The following TAS1R3 variants were observed in gnomAD, a reference collection of about 807,000 sequenced individuals.
TAS1R3 encodes taste receptor type 1 member 3.
In TAS1R3, 58 loss-of-function variants were observed where a neutral mutation model predicts 46.1. That is an observed-to-expected ratio of 1.26 (90% CI 1.02 to 1.57). The LOEUF (loss-of-function observed/expected upper bound fraction) is 1.57. Ranked by LOEUF, TAS1R3 falls within the 40% of genes most tolerant of loss-of-function variation. TAS1R3 has a pLI of 0.00. For synonymous variants in TAS1R3, 724 were observed against 544.7 expected (o/e 1.33, Z -4.58); for missense variants, 1,422 against 1,185.8 (o/e 1.20, Z -2.93).
Position 1,334,200 on chromosome 1 carries a change from C to T in TAS1R3, c.2295C>T (p.Thr765=), listed in dbSNP as rs748967541. 2 of 1,605,136 alleles carry T rather than the reference C, an allele frequency of 1.2e-6. No individual in the cohort carries two copies. Among genetic ancestry groups the T allele is most frequent in the Non-Finnish European group, 1.7e-6 (2 of 1,176,332 alleles). Residue 765 remains threonine, a synonymous_variant, in exon 6 of 6, where the codon ACC becomes ACT. Transcript: ENST00000339381. ...GCTACAACCGTGCCCGTGGCCTCAC[C>T]TTTGCCATGCTGGCCTACTTCATCA... The part of the protein sequence containing the change: ...PGCYNRARGL[T]FAMLAYFITW...
At position 1,331,670 on chromosome 1, in the gene TAS1R3, C is replaced by T. The variant is rs1368892102; in HGVS notation, c.224C>T (p.Ala75Val). ...FSSNGLLWALAMKMAVEEINN... is the reference protein window; with the variant it reads ...FSSNGLLWALVMKMAVEEINN... Reference sequence around the variant, plus strand: ...TCAAACGGCCTGCTCTGGGCACTGGCCATGAAAATGGCCGTGGAGGAGATC... The same window carrying T: ...TCAAACGGCCTGCTCTGGGCACTGGTCATGAAAATGGCCGTGGAGGAGATC... Residue 75 changes from alanine (A) to valine (V), a missense_variant, in exon 2 of 6, where the codon GCC becomes GTC. Ala to Val is a moderately conservative substitution (Grantham distance 64, BLOSUM62 0). Transcript: ENST00000339381. 6.2e-7 allele frequency: 1 copy of T among 1,612,698 alleles called. No individual in the cohort carries two copies. Among genetic ancestry groups the T allele is most frequent in the South Asian group, 1.1e-5 (1 of 91,070 alleles).
rs532037282 is a variant in TAS1R3, at chr1:1,332,686, A to G, written c.1155A>G (p.Leu385=). The G allele has an allele frequency of 3.8e-5, 61 of 1,604,954 alleles. No individual in the cohort carries two copies. The South Asian group carries it at 6.0e-4, about 16-fold the overall frequency. Reference sequence around the variant, plus strand: ...CGCTGCAGAACGTGAGCGCAGGGCTAAATCACCACCAGACGTTCTCTGTCT... The same window carrying G: ...CGCTGCAGAACGTGAGCGCAGGGCTGAATCACCACCAGACGTTCTCTGTCT... The part of the protein sequence containing the change: ...CITLQNVSAG[L]NHHQTFSVYA... Residue 385 remains leucine (L), a synonymous_variant, in exon 3 of 6, where the codon CTA becomes CTG. Transcript: ENST00000339381.
chr1:1,334,612 T>C lies in TAS1R3; in HGVS notation c.*148T>C. 1.1e-6 allele frequency: 1 copy of C among 909,674 alleles called. No individual in the cohort carries two copies. Among genetic ancestry groups the C allele is most frequent in the East Asian group, 2.7e-5 (1 of 37,420 alleles). The allele number at this position is 909,674 out of a possible 1,614,324, so 56.4% of individuals were successfully genotyped here. A position where few individuals can be genotyped will look rare whatever the true frequency, so the allele number is the denominator to read the frequency against. On this transcript the variant is annotated 3_prime_UTR_variant, in exon 6 of 6. Coordinates refer to ENST00000339381, the MANE Select transcript of TAS1R3 (RefSeq NM_152228.3). Reference sequence around the variant, plus strand: ...CTGACCCTGACCCCACAGTGAGCCCTAGGCCTGGAGCACGTGGACACCCCT... The same window carrying C: ...CTGACCCTGACCCCACAGTGAGCCCCAGGCCTGGAGCACGTGGACACCCCT...
chr1:1,334,752 G>T lies in TAS1R3; in HGVS notation c.*288G>T. ...GAAAGAGGCCCGGAGGGCTCCCAGG[G>T]TACCCGCAACCCACACCGTGAGCTC... On this transcript the variant is annotated 3_prime_UTR_variant, in exon 6 of 6. Coordinates refer to ENST00000339381, the MANE Select transcript of TAS1R3 (RefSeq NM_152228.3). 2.8e-6 allele frequency: 1 copy of T among 362,926 alleles called. No individual in the cohort carries two copies. The highest frequency in any genetic ancestry group is 4.5e-5 in the East Asian group (1 of 22,184). 22.5% of individuals were successfully genotyped at this position (362,926 alleles called of 1,614,324 possible).
rs1479643119 is a variant in TAS1R3 at position 1,331,418 on chromosome 1, C to T, written c.73C>T (p.Leu25=). Residue 25 remains leucine (L), a synonymous_variant, in exon 1 of 6, where the codon CTG becomes TTG. Coordinates refer to ENST00000339381, the MANE Select transcript of TAS1R3 (RefSeq NM_152228.3). ...LHPGTGAPLC[L]SQQLRMKGDY... is the part of the protein sequence containing the mutation. ...CCCTGGGACGGGGGCCCCATTGTGC[C>T]TGTCACAGCAACTTAGGATGAAGGG... is the stretch of plus-strand genomic sequence containing the variant. 2 of 1,606,316 alleles carry T rather than the reference C, an allele frequency of 1.2e-6. No individual in the cohort carries two copies. The highest frequency in any genetic ancestry group is 2.7e-5 in the African/African-American group (2 of 74,632).
rs1643487910 is a variant in TAS1R3, at chr1:1,333,741, G to A, written c.1836G>A (p.Val612=). 2 of 1,603,312 alleles carry A rather than the reference G, an allele frequency of 1.2e-6. No homozygotes were observed. Among genetic ancestry groups the A allele is most frequent in the Admixed American group, 1.7e-5 (1 of 59,060 alleles). The change falls in exon 6 of 6, where the codon GTG becomes GTA. Residue 612 remains valine (V), a synonymous_variant. Transcript: ENST00000339381. ...GGCCCCTGGCCTGCTTTGGCCTGGT[G>A]TGCCTGGGCCTGGTCTGCCTCAGCG... ...SGGPLACFGL[V]CLGLVCLSVL... is the part of the protein sequence containing the mutation.
Position 1,333,999 on chromosome 1 carries a change from G to C in TAS1R3, c.2094G>C (p.Trp698Cys), listed in dbSNP as rs1172465302. ...TGGTGGAGGTCGCACTGTGCACCTG[G>C]TACCTGGTGGCCTTCCCGCCGGAGG... ...AMLVEVALCT[W>C]YLVAFPPEVV... Residue 698 changes from tryptophan to cysteine, a missense_variant, in exon 6 of 6, where the codon TGG (tryptophan) becomes TGC (cysteine). Trp to Cys is a radical substitution (Grantham distance 215). Transcript: ENST00000339381. 1 of 1,601,068 alleles carries C rather than the reference G, an allele frequency of 6.2e-7. No homozygotes were observed. The highest frequency in any genetic ancestry group is 8.5e-7 in the Non-Finnish European group (1 of 1,179,818).
At chr1:1,331,598 TG>T (rs1461932626) in intron 1 of TAS1R3, 39 bp from the exon 2 acceptor site, 1 of 1,605,366 alleles carries the variant, frequency 6.2e-7, no homozygotes, top group Non-Finnish European at 8.5e-7. Flanking sequence ...GCTCCTGAGC[TG>T]GGGCCGAGGT....
rs1157298876 is a variant in TAS1R3 at position 1,334,539 on chromosome 1, C to A, written c.*75C>A. 2.8e-6 allele frequency: 4 copies of A among 1,415,316 alleles called. No individual in the cohort carries two copies. Among genetic ancestry groups the A allele is most frequent in the Non-Finnish European group, 2.8e-6 (3 of 1,075,840 alleles). 87.7% of individuals were successfully genotyped at this position (1,415,316 alleles called of 1,614,324 possible). A position where few individuals can be genotyped will look rare whatever the true frequency, so the allele number is the denominator to read the frequency against. ...CCCCCAAGCCAGCAATGACCCGTGT[C>A]TCGCTACAGAGACCCTCCCGCTCTA... is the stretch of plus-strand genomic sequence containing the variant. On this transcript the variant is annotated 3_prime_UTR_variant, in exon 6 of 6. Coordinates refer to ENST00000339381, the MANE Select transcript of TAS1R3 (RefSeq NM_152228.3).
At position 1,333,137 on chromosome 1, in the gene TAS1R3, T is replaced by G. The variant is rs1483873523; in HGVS notation, c.1479+13T>G. 1 of 1,606,774 alleles carries G rather than the reference T, an allele frequency of 6.2e-7. No individual in the cohort carries two copies. The highest frequency in any genetic ancestry group is 1.3e-5 in the African/African-American group (1 of 74,702). ...GTCTGACAACCAGGTGAGGTGAGGG[T>G]GGGTGTGCCAGGCGTGCCCGTGGTA... is the stretch of plus-strand genomic sequence containing the variant. On this transcript the variant is annotated intron_variant, in intron 4 of 5. Coordinates refer to ENST00000339381, the MANE Select transcript of TAS1R3 (RefSeq NM_152228.3).
chr1:1,333,944 GGGCCT>G lies in TAS1R3; in HGVS notation c.2043_2047del (p.Trp682GlyfsTer159). 6.2e-7 allele frequency: 1 copy of G among 1,600,166 alleles called. No individual in the cohort carries two copies. Among genetic ancestry groups the G allele is most frequent in the Non-Finnish European group, 8.5e-7 (1 of 1,179,762 alleles). On this transcript the variant is annotated frameshift_variant, in exon 6 of 6. Coordinates refer to ENST00000339381, the MANE Select transcript of TAS1R3 (RefSeq NM_152228.3). LOFTEE classifies it low-confidence loss of function (END_TRUNC). ...CTGAGTGGCTGCCTGCGGGGGCCCT[GGGCCT>G]GGCTGGTGGTGCTGCTGGCCATGCT...
At position 1,334,352 on chromosome 1, in the gene TAS1R3, T is replaced by C. The variant is rs1438230161; in HGVS notation, c.2447T>C (p.Leu816Pro). ...LAAFHLPRCY[L>P]LMRQPGLNTP... ...GCCTTCCACCTGCCCAGGTGTTACCTGCTCATGCGGCAGCCAGGGCTCAAC... is the reference window on the plus strand; with the variant it reads ...GCCTTCCACCTGCCCAGGTGTTACCCGCTCATGCGGCAGCCAGGGCTCAAC... Residue 816 changes from leucine (L) to proline (P), a missense_variant, in exon 6 of 6, where the codon CTG becomes CCG. Transcript: ENST00000339381. 1 of 1,611,166 alleles carries C rather than the reference T, an allele frequency of 6.2e-7. No homozygotes were observed.
At position 1,332,569 on chromosome 1, in the gene TAS1R3, C is replaced by A. The variant is rs144575889; in HGVS notation, c.1038C>A (p.Thr346=). 4 of 1,611,524 alleles carry A rather than the reference C, an allele frequency of 2.5e-6. No homozygotes were observed. The highest frequency in any genetic ancestry group is 2.5e-6 in the Non-Finnish European group (3 of 1,179,956). The change falls in exon 3 of 6, where the codon ACC becomes ACA. Residue 346 remains threonine, a synonymous_variant. Coordinates refer to ENST00000339381, the MANE Select transcript of TAS1R3 (RefSeq NM_152228.3). The part of the protein sequence containing the change: ...QYVKTHLALA[T]DPAFCSALGE... ...TGAAGACGCACCTGGCCCTGGCCAC[C>A]GACCCGGCCTTCTGCTCTGCCCTGG...
In TAS1R3 at chr1:1,333,553, C is replaced by T. The variant is rs1457850600; in HGVS notation, c.1648C>T (p.Arg550Ter). ...TGGCCAGGATGAGTGGTCCCCGGAG[C>T]GAAGCACACGCTGCTTCCGCCGCAG... ...FCGQDEWSPERSTRCFRRRSR... is the reference protein window; with the variant it reads ...FCGQDEWSPE The change falls in exon 6 of 6, where the codon CGA (arginine) becomes TGA (stop). Residue 550 changes from arginine (R) to a stop codon, truncating the protein, a stop_gained. Transcript: ENST00000339381. LOFTEE classifies it low-confidence loss of function (END_TRUNC). The T allele has an allele frequency of 5.6e-6, 9 of 1,604,102 alleles. No homozygotes were observed. Among genetic ancestry groups the T allele is most frequent in the Admixed American group, 5.0e-5 (3 of 60,012 alleles).
rs557428913 is a variant in TAS1R3 at position 1,333,185 on chromosome 1, T to TG, written c.1479+66dup. 5,318 of 1,588,832 alleles carry TG rather than the reference T, an allele frequency of 3.3e-3. 19 individuals carry two copies. Among genetic ancestry groups the TG allele is most frequent in the Non-Finnish European group, 4.0e-3 (4,702 of 1,171,520 alleles). ...GTAGCCCCCGCGGCAGGGCGCAGCC[T>TG]GGGGGTGGGGGCCGTTCCAGTCTCC... is the stretch of plus-strand genomic sequence containing the variant. On this transcript the variant is annotated intron_variant, in intron 4 of 5. Coordinates refer to ENST00000339381, the MANE Select transcript of TAS1R3 (RefSeq NM_152228.3).
At position 1,331,421 on chromosome 1, in the gene TAS1R3, T is replaced by G; in HGVS notation, c.76T>G (p.Ser26Ala). 6.2e-7 allele frequency: 1 copy of G among 1,605,954 alleles called. No homozygotes were observed. Among genetic ancestry groups the G allele is most frequent in the South Asian group, 1.1e-5 (1 of 90,388 alleles). The change falls in exon 1 of 6, where the codon TCA (serine) becomes GCA (alanine). Residue 26 changes from serine (S) to alanine (A), a missense_variant. By Grantham distance (99) the Ser-to-Ala change is moderately conservative (BLOSUM62 1). Transcript: ENST00000339381. ...TGGGACGGGGGCCCCATTGTGCCTG[T>G]CACAGCAACTTAGGATGAAGGGGGA... ...HPGTGAPLCL[S>A]QQLRMKGDYV...
rs1463628751 is a variant in TAS1R3 at position 1,333,021 on chromosome 1, G to T, written c.1376G>T (p.Trp459Leu). The T allele has an allele frequency of 6.2e-7, 1 of 1,612,664 alleles. No individual in the cohort carries two copies. Among genetic ancestry groups the T allele is most frequent in the Admixed American group, 1.7e-5 (1 of 60,006 alleles). ...GACATGGAGTACGACCTGAAGCTGT[G>T]GGTGTGGCAGGGCTCAGTGCCCAGG... ...NVDMEYDLKL[W>L]VWQGSVPRLH... is the part of the protein sequence containing the mutation. The change falls in exon 4 of 6, where the codon TGG (tryptophan) becomes TTG (leucine). Residue 459 changes from tryptophan to leucine, a missense_variant. Trp to Leu is a moderately conservative substitution (Grantham distance 61, BLOSUM62 -2). Transcript: ENST00000339381.
Position 1,333,022 on chromosome 1 carries a change from G to A in TAS1R3, c.1377G>A (p.Trp459Ter), listed in dbSNP as rs1643466791. 2.5e-6 allele frequency: 4 copies of A among 1,612,786 alleles called. No individual in the cohort carries two copies. In the East Asian group the frequency reaches 8.9e-5, roughly 36 times the overall value. ...ACATGGAGTACGACCTGAAGCTGTG[G>A]GTGTGGCAGGGCTCAGTGCCCAGGC... ...NVDMEYDLKL[W>*]VWQGSVPRLH... The change falls in exon 4 of 6, where the codon TGG (tryptophan) becomes TGA (stop). Residue 459 changes from tryptophan (W) to a stop codon, truncating the protein, a stop_gained. Coordinates refer to ENST00000339381, the MANE Select transcript of TAS1R3 (RefSeq NM_152228.3). LOFTEE classifies it high-confidence loss of function.
At position 1,331,878 on chromosome 1, in the gene TAS1R3, C is replaced by CCACTCGTCAGAGCTCGCCATGGT. The variant is rs1557655653; in HGVS notation, c.436_458dup (p.Gly154ArgfsTer29). On this transcript the variant is annotated frameshift_variant, in exon 2 of 6. Transcript: ENST00000339381. LOFTEE classifies it high-confidence loss of function. ...CCCGTGTGCTGGCTGTCATCGGGCCCCACTCGTCAGAGCTCGCCATGGTCA... is the reference window on the plus strand; with the variant it reads ...CCCGTGTGCTGGCTGTCATCGGGCCCCACTCGTCAGAGCTCGCCATGGTCACTCGTCAGAGCTCGCCATGGTCA... The CCACTCGTCAGAGCTCGCCATGGT allele has an allele frequency of 5.6e-6, 9 of 1,612,786 alleles. No homozygotes were observed. The highest frequency in any genetic ancestry group is 1.6e-4 in the Middle Eastern group (1 of 6,084).
Sources: allele counts gnomAD v4.1 joint callset, GRCh38; gene constraint gnomAD v4.1.1; transcripts MANE v1.5; gene names NCBI Gene and HGNC (gene_info 2026-07-23, HGNC 2026-07-21).